MYO9B: variants seen among roughly 807,000 people sequenced by gnomAD.
MYO9B encodes the protein unconventional myosin-IXb.
Under a neutral mutation model 229.5 loss-of-function variants are expected in MYO9B, and 71 were observed. The observed-to-expected ratio is 0.31, with a 90% CI of 0.26 to 0.38. MYO9B has a LOEUF of 0.38. Ranked by LOEUF, MYO9B falls within the 10% of genes least tolerant of loss-of-function variation. The probability of loss-of-function intolerance (pLI) is 1.00; values close to 1 mark genes in which losing one functional copy is unlikely to be tolerated. For synonymous variants in MYO9B, 1,185 were observed against 1,235.8 expected (o/e 0.96, Z 0.86); for missense variants, 2,255 against 2,920.5 (o/e 0.77, Z 5.25).
intron 7 of MYO9B, among the ~76,000 whole-genome samples, chr19:17,158,262 G>T (rs2072558763): frequency 6.6e-6 from 1 of 152,166 alleles, no homozygotes; most frequent in African/African-American, 2.4e-5. Context: ...GTGAGCATCT[G>T]CTGGGATATT....
chr19:17,197,778 CTGTGA>C lies in MYO9B; in HGVS notation c.4047-12_4047-8del. The C allele has an allele frequency of 6.2e-7, 1 of 1,613,780 alleles. No individual in the cohort carries two copies. The highest frequency in any genetic ancestry group is 8.5e-7 in the Non-Finnish European group (1 of 1,179,854). On this transcript the variant is annotated splice_polypyrimidine_tract_variant and intron_variant, in intron 22 of 39. Transcript: ENST00000682292. Reference sequence around the variant, plus strand: ...ACTCTAGTCAGTAAAAGCCATGTTTCTGTGATCTCGCAGGGAGAGGCGCACCTCCT... The same window carrying C: ...ACTCTAGTCAGTAAAAGCCATGTTTCTCTCGCAGGGAGAGGCGCACCTCCT...
At chr19:17,206,937 C>T in intron 34 of MYO9B, 153 bp downstream of exon 34, 1 of 1,245,622 alleles carries the variant, frequency 8.0e-7, no homozygotes. Flanking sequence ...GGCCAGGCTG[C>T]TGGGCCGCCC....
intron 2 of MYO9B, among the ~76,000 whole-genome samples, chr19:17,107,309 G>A (rs1442274455): frequency 6.6e-6 from 1 of 152,020 alleles, no homozygotes; most frequent in Non-Finnish European, 1.5e-5. Context: ...CAGACATTTT[G>A]CCAAATGGGA....
At chr19:17,151,264 G>A (rs1260659820) in intron 3 of MYO9B, among the ~76,000 whole-genome samples, 5 of 142,338 alleles carry the variant, frequency 3.5e-5, no homozygotes, top group Non-Finnish European at 7.6e-5. Flanking sequence ...GGCAACGAGA[G>A]CAAAACTCCA....
chr19:17,206,829 G>A, intron 34 of MYO9B, 45 bp downstream of exon 34: 1 of 1,472,420 alleles, frequency 6.8e-7, no homozygotes, highest in Non-Finnish European at 9.3e-7. Context: ...GGGTCGCATT[G>A]GGAACCCGCG....
chr19:17,209,622 A>G lies in MYO9B; in HGVS notation c.5661A>G (p.Lys1887=), dbSNP rs1363194727. ...VEMLIKEQMR[K]YKVKMEEISQ... Reference sequence around the variant, plus strand: ...TGCTGATCAAGGAGCAGATGAGGAAATACAAAGTGAAGATGGAGGAGATCA... The same window carrying G: ...TGCTGATCAAGGAGCAGATGAGGAAGTACAAAGTGAAGATGGAGGAGATCA... Residue 1887 remains lysine, a synonymous_variant, in exon 36 of 40, where the codon AAA becomes AAG. Transcript: ENST00000682292. The G allele has an allele frequency of 6.2e-7, 1 of 1,605,982 alleles. No homozygotes were observed. Among genetic ancestry groups the G allele is most frequent in the Non-Finnish European group, 8.5e-7 (1 of 1,176,302 alleles).
chr19:17,078,028 G>C (rs2057502322), intron 1 of MYO9B, among the ~76,000 whole-genome samples: 1 of 152,140 alleles, frequency 6.6e-6, no homozygotes, highest in Non-Finnish European at 1.5e-5. Flanking sequence ...CTGTTTGGCT[G>C]TAGGATTCGT....
intron 18 of MYO9B, 85 bp from the exon 19 acceptor site, chr19:17,187,850 C>A: frequency 8.7e-7 from 1 of 1,148,056 alleles, no homozygotes; most frequent in Non-Finnish European, 1.3e-6. Flanking sequence ...CCTCATCTCA[C>A]AGTTCCCAGG....
Position 17,167,939 on chromosome 19 carries a change from G to A in MYO9B, c.1672-4G>A. The A allele has an allele frequency of 6.4e-7, 1 of 1,563,588 alleles. No homozygotes were observed. Among genetic ancestry groups the A allele is most frequent in the South Asian group, 1.2e-5 (1 of 85,198 alleles). ...AACTTACCGACCCCGCGCCACCCCT[G>A]CAGGAGGAATATCAGGGCGAGGGGA... On this transcript the variant is annotated splice_polypyrimidine_tract_variant and splice_region_variant and intron_variant, in intron 10 of 39. Transcript: ENST00000682292.
intron 4 of MYO9B, 53 bp from the exon 5 acceptor site, chr19:17,153,914 G>A: frequency 7.5e-7 from 1 of 1,332,062 alleles, no homozygotes; most frequent in Non-Finnish European, 1.1e-6. Context: ...TCGCAGAGTA[G>A]CTATTACTTG....
In MYO9B at chr19:17,156,984, A is replaced by G; in HGVS notation, c.1275A>G (p.Glu425=). ...AGAAGAGAGCTACAGGCCGAGAGGA[A>G]GGGTTGGAGGTCGGGCCACCCGAGG... ...TYKKRATGRE[E]GLEVGPPEVL... is the part of the protein sequence containing the mutation. The change falls in exon 7 of 40, where the codon GAA becomes GAG. Residue 425 remains glutamate (E), a synonymous_variant. Transcript: ENST00000682292. 1 of 1,613,850 alleles carries G rather than the reference A, an allele frequency of 6.2e-7. No individual in the cohort carries two copies. The highest frequency in any genetic ancestry group is 2.2e-5 in the East Asian group (1 of 44,872).
At chr19:17,203,687 T>C (rs1038176714) in intron 30 of MYO9B, among the ~76,000 whole-genome samples, 2 of 150,036 alleles carry the variant, frequency 1.3e-5, no homozygotes, top group African/African-American at 2.4e-5. Context: ...GTCCCAGCCA[T>C]ATCCCACCCC....
rs568709525 is a variant in MYO9B, at chr19:17,159,451, C to T, written c.1386C>T (p.Asn462=). Residue 462 remains asparagine, a synonymous_variant, in exon 8 of 40, where the codon AAC becomes AAT. Transcript: ENST00000682292. ...VLTKRKTVTV[N]DKLILPYSLS... The stretch of plus-strand genomic sequence containing the variant: ...CCAAAAGAAAAACGGTGACCGTCAA[C>T]GACAAGCTTATCCTTCCCTACAGCC... 1.2e-5 allele frequency: 20 copies of T among 1,610,550 alleles called. No individual in the cohort carries two copies. The highest frequency in any genetic ancestry group is 6.7e-5 in the East Asian group (3 of 44,792).
In MYO9B at chr19:17,099,710, C is replaced by T. The variant is rs186569792; in HGVS notation, c.-58-1950C>T. Among the ~76,000 whole-genome samples, 286 of 150,142 alleles carry T rather than the reference C, an allele frequency of 1.9e-3. 1 individual carries two copies. Among genetic ancestry groups the T allele is most frequent in the African/African-American group, 6.6e-3 (270 of 40,790 alleles). ...GCGGGCGCCTGTTGTCTCAGCTACT[C>T]GAGAGGCTGAGGCAGGAGAATGGCG... On this transcript the variant is annotated intron_variant, in intron 1 of 39. Coordinates refer to ENST00000682292, the MANE Select transcript of MYO9B (RefSeq NM_004145.4).
intron 24 of MYO9B, among the ~76,000 whole-genome samples, chr19:17,199,364 G>A (rs1037320362): frequency 3.3e-5 from 5 of 152,140 alleles, no homozygotes; most frequent in Non-Finnish European, 7.4e-5. Flanking sequence ...TCCAGACTGA[G>A]TCACACCCCA....
rs1002932936 is a variant in MYO9B, at chr19:17,075,786, C to G, written c.-147C>G. 9.3e-4 allele frequency: 143 copies of G among 153,978 alleles called. No individual in the cohort carries two copies. Among genetic ancestry groups the G allele is most frequent in the Non-Finnish European group, 1.0e-3 (71 of 69,582 alleles). 9.5% of individuals were successfully genotyped at this position (153,978 alleles called of 1,614,324 possible). ...CGGGGGAGCGGCGGGCGCGGCGGGG[C>G]GGAGCGGCTCGAGCAGCGGCGGGCT... is the stretch of plus-strand genomic sequence containing the variant. On this transcript the variant is annotated 5_prime_UTR_variant, in exon 1 of 40. Transcript: ENST00000682292.
chr19:17,209,707 G>C lies in MYO9B; in HGVS notation c.5746G>C (p.Ala1916Pro). The change falls in exon 36 of 40, where the codon GCT becomes CCT. Residue 1916 changes from alanine (A) to proline (P), a missense_variant and splice_region_variant. By Grantham distance (27) the Ala-to-Pro change is conservative. Coordinates refer to ENST00000682292, the MANE Select transcript of MYO9B (RefSeq NM_004145.4). ...CAGGCTTTCGCTCCTGCGACAAAAT[G>C]CTGTGAGTACCGGTGATCGTGGGGG... ...FRRLSLLRQN[A>P]PWPLKLGFSS... is the part of the protein sequence containing the mutation. The C allele has an allele frequency of 1.9e-6, 3 of 1,613,794 alleles. No homozygotes were observed. Among genetic ancestry groups the C allele is most frequent in the Non-Finnish European group, 2.5e-6 (3 of 1,179,802 alleles).
At chr19:17,178,541 A>T in intron 14 of MYO9B, 1 of 152,126 alleles carries the variant, frequency 6.6e-6, no homozygotes, top group Admixed American at 6.6e-5. Flanking sequence ...TCTGTCAAAA[A>T]CATTTGTCAT....
At chr19:17,208,353 A>AAATGCAACT (rs74332276) in intron 35 of MYO9B, among the ~76,000 whole-genome samples, 2 of 124,616 alleles carry the variant, frequency 1.6e-5, no homozygotes, top group South Asian at 2.5e-4. Flanking sequence ...AAAAAAAAAA[A>AAATGCAACT]ATCCAGATGG....
Sources: allele counts gnomAD v4.1 joint callset (sites outside exome capture counted in the v4.1 genomes callset), GRCh38; gene constraint gnomAD v4.1.1; transcripts MANE v1.5; gene names NCBI Gene and HGNC (gene_info 2026-07-23, HGNC 2026-07-21).